C14orf39: variants seen among roughly 807,000 people sequenced by gnomAD.
C14orf39 encodes chromosome 14 open reading frame 39, also known as protein SIX6OS1.
In C14orf39, 66 loss-of-function variants were observed where a neutral mutation model predicts 85.6. That is an observed-to-expected ratio of 0.77 (90% CI 0.63 to 0.95). C14orf39 has a LOEUF of 0.95. Ranked by LOEUF, C14orf39 falls within the 40% of genes least tolerant of loss-of-function variation. The pLI is 0.00. For missense variants in C14orf39, 735 were observed against 663.9 expected (o/e 1.11, Z -1.18); for synonymous variants, 242 against 214.0 (o/e 1.13, Z -1.14).
At chr14:60,456,117 G>C (rs1891263014) in intron 15 of C14orf39, among the ~76,000 whole-genome samples, 1 of 152,034 alleles carries the variant, frequency 6.6e-6, no homozygotes, top group Non-Finnish European at 1.5e-5. Flanking sequence ...GTACAGGTCT[G>C]ATGCAAAACA....
At chr14:60,456,098 G>T (rs898127145) in intron 15 of C14orf39, among the ~76,000 whole-genome samples, 3 of 151,944 alleles carry the variant, frequency 2.0e-5, no homozygotes, top group African/African-American at 7.3e-5. Context: ...TTTAAAATAC[G>T]GAAGTAGAGT....
intron 16 of C14orf39, among the ~76,000 whole-genome samples, chr14:60,449,830 T>A (rs1890952583): frequency 6.6e-6 from 1 of 152,262 alleles, no homozygotes; most frequent in Non-Finnish European, 1.5e-5. Flanking sequence ...TATGTAATTA[T>A]TAGCTAAATT....
intron 14 of C14orf39, among the ~76,000 whole-genome samples, chr14:60,458,263 C>T (rs1022164849): frequency 8.6e-5 from 13 of 151,900 alleles, no homozygotes; most frequent in East Asian, 1.9e-4. Context: ...AGCTTCTCTA[C>T]GTTCCTTCTT....
rs1891768803 is a variant in C14orf39 at position 60,465,992 on chromosome 14, T to C, written c.959A>G (p.Glu320Gly). The C allele has an allele frequency of 6.4e-7, 1 of 1,556,016 alleles. No homozygotes were observed. Among genetic ancestry groups the C allele is most frequent in the Non-Finnish European group, 8.7e-7 (1 of 1,155,246 alleles). The change falls in exon 11 of 18, where the codon GAA becomes GGA. Residue 320 changes from glutamate (E) to glycine (G), a missense_variant. By Grantham distance (98) the Glu-to-Gly change is moderately conservative. Coordinates refer to ENST00000321731, the MANE Select transcript of C14orf39 (RefSeq NM_174978.3). ...TGAGACACCTACCTGTGTATCATTTTCTTTTTGTCTAAAGTCAATATTGGC... is the reference window on the plus strand; with the variant it reads ...TGAGACACCTACCTGTGTATCATTTCCTTTTTGTCTAAAGTCAATATTGGC... ...KLANIDFRQK[E>G]NDTQIFNDSA...
intron 16 of C14orf39, among the ~76,000 whole-genome samples, chr14:60,449,386 G>T (rs934023704): frequency 2.0e-5 from 3 of 152,194 alleles, no homozygotes; most frequent in East Asian, 3.9e-4. Context: ...AGTGTAAGAT[G>T]AATGCGTAAT....
At chr14:60,439,847 G>A (rs1442408053) in intron 17 of C14orf39, among the ~76,000 whole-genome samples, 1 of 152,220 alleles carries the variant, frequency 6.6e-6, no homozygotes. Flanking sequence ...GCCGAGGCGG[G>A]TGGATCACCT....
chr14:60,443,714 C>T (rs1890630858), intron 16 of C14orf39, among the ~76,000 whole-genome samples: 1 of 152,202 alleles, frequency 6.6e-6, no homozygotes. Context: ...GGACAGACTG[C>T]CTCCTCAAGT....
intron 17 of C14orf39, among the ~76,000 whole-genome samples, chr14:60,437,645 T>C (rs529857328): frequency 1.3e-5 from 2 of 152,046 alleles, no homozygotes; most frequent in South Asian, 2.1e-4. Context: ...CAAAATAAAA[T>C]AAAAGTCTAT....
intron 14 of C14orf39, among the ~76,000 whole-genome samples, chr14:60,457,385 G>A (rs932040108): frequency 6.6e-6 from 1 of 151,770 alleles, no homozygotes. Context: ...AAAAAGACTA[G>A]GAATGATTTT....
intron 17 of C14orf39, among the ~76,000 whole-genome samples, chr14:60,438,934 G>C (rs892091494): frequency 1.3e-5 from 2 of 152,114 alleles, no homozygotes; most frequent in Non-Finnish European, 2.9e-5. Flanking sequence ...TGGTTAATGA[G>C]TATAAAAATA....
At chr14:60,476,174 C>T (rs1360448994) in intron 5 of C14orf39, among the ~76,000 whole-genome samples, 1 of 152,162 alleles carries the variant, frequency 6.6e-6, no homozygotes, top group African/African-American at 2.4e-5. Context: ...ACTATTTAAT[C>T]GCTTGGGAAA....
chr14:60,456,416 T>C (rs1891280995), intron 15 of C14orf39, among the ~76,000 whole-genome samples: 1 of 131,002 alleles, frequency 7.6e-6, no homozygotes, highest in Non-Finnish European at 1.6e-5. Context: ...ACAACAGCTT[T>C]TTAGCTTGAC....
At chr14:60,439,624 T>C (rs1326260133) in intron 17 of C14orf39, among the ~76,000 whole-genome samples, 1 of 152,108 alleles carries the variant, frequency 6.6e-6, no homozygotes, top group African/African-American at 2.4e-5. Flanking sequence ...GTTTTTAATG[T>C]CAAAAGATGT....
At position 60,457,128 on chromosome 14, in the gene C14orf39, C is replaced by T. The variant is rs1891317160; in HGVS notation, c.1180-33G>A. On this transcript the variant is annotated intron_variant, in intron 14 of 17. Coordinates refer to ENST00000321731, the MANE Select transcript of C14orf39 (RefSeq NM_174978.3). ...TTCAAAGTAACAGAAAACTATAAAA[C>T]AAATGCTGCTGCATTAATGACATAC... 3 of 1,404,760 alleles carry T rather than the reference C, an allele frequency of 2.1e-6. No homozygotes were observed. The South Asian group carries it at 4.3e-5, about 20-fold the overall frequency. 87.0% of individuals were successfully genotyped at this position (1,404,760 alleles called of 1,614,324 possible). A position where few individuals can be genotyped will look rare whatever the true frequency, so the allele number is the denominator to read the frequency against.
In C14orf39 at chr14:60,492,613, A is replaced by T. The variant is rs917065747; in HGVS notation, c.-9+6683T>A. On this transcript the variant is annotated intron_variant, in intron 2 of 5. Coordinates refer to the C14orf39 transcript ENST00000556799. ...AAACCTTATCTCTACCAAAAAAAAA[A>T]AATAATAATAAAATAAAAAATTAGC... Among the ~76,000 whole-genome samples the T allele has an allele frequency of 4.1e-3, 611 of 150,676 alleles. 4 individuals carry two copies. The highest frequency in any genetic ancestry group is 0.013 in the African/African-American group (518 of 40,420).
At chr14:60,502,383 C>T (rs773961247) in intron 1 of C14orf39, among the ~76,000 whole-genome samples, 1 of 151,266 alleles carries the variant, frequency 6.6e-6, no homozygotes, top group Middle Eastern at 3.2e-3. Context: ...TCAGAGACCA[C>T]AAAAAGGATA....
At chr14:60,486,911 T>G (rs1040486619), upstream of C14orf39, among the ~76,000 whole-genome samples, 1 of 152,248 alleles carries the variant, frequency 6.6e-6, no homozygotes, top group Non-Finnish European at 1.5e-5. Flanking sequence ...TTTGATAATG[T>G]AACAATTTAG....
chr14:60,490,521 G>T (rs752625836), upstream of C14orf39, among the ~76,000 whole-genome samples: 1 of 151,966 alleles, frequency 6.6e-6, no homozygotes, highest in African/African-American at 2.4e-5. Context: ...CTACTTGGGA[G>T]GCTGGGGCGG....
intron 16 of C14orf39, among the ~76,000 whole-genome samples, chr14:60,451,769 T>C (rs946732575): frequency 3.3e-5 from 5 of 151,840 alleles, no homozygotes; most frequent in Admixed American, 1.3e-4. Context: ...CACACCAACA[T>C]GGCAAATGTA....
Sources: allele counts gnomAD v4.1 joint callset (sites outside exome capture counted in the v4.1 genomes callset), GRCh38; gene constraint gnomAD v4.1.1; transcripts MANE v1.5; gene names NCBI Gene and HGNC (gene_info 2026-07-23, HGNC 2026-07-21).